The following WASL variants were observed in gnomAD, a reference collection of about 807,000 sequenced individuals.
The protein encoded by WASL is WASP like actin nucleation promoting factor.
In WASL, 20 loss-of-function variants were observed where a neutral mutation model predicts 55.5. The ratio of observed to expected loss-of-function variants is 0.36; its 90% CI spans 0.25 to 0.52. The LOEUF is 0.52. Ranked by LOEUF, WASL falls within the 20% of genes least tolerant of loss-of-function variation. The probability of loss-of-function intolerance (pLI) is 0.92; values close to 1 mark genes in which losing one functional copy is unlikely to be tolerated. For missense variants in WASL, 504 were observed against 622.5 expected (o/e 0.81, Z 2.03); for synonymous variants, 249 against 217.6 (o/e 1.14, Z -1.27).
At chr7:123,744,933 T>C (rs564478901) in intron 1 of WASL, among the ~76,000 whole-genome samples, 1 of 152,350 alleles carries the variant, frequency 6.6e-6, no homozygotes. Context: ...TGTATTTATG[T>C]ATTACAATGA....
intron 1 of WASL, among the ~76,000 whole-genome samples, chr7:123,727,907 C>T (rs1451445887): frequency 2.0e-5 from 3 of 152,144 alleles, no homozygotes; most frequent in Admixed American, 6.5e-5. Flanking sequence ...TTATGTTTGA[C>T]GCACTTCATT....
chr7:123,716,647 T>G (rs1803847084), intron 1 of WASL, among the ~76,000 whole-genome samples: 2 of 145,400 alleles, frequency 1.4e-5, no homozygotes, highest in East Asian at 2.1e-4. Context: ...GAGAGAGAGG[T>G]AAAGAGAGAG....
chr7:123,734,137 G>C (rs935798207), intron 1 of WASL, among the ~76,000 whole-genome samples: 1 of 152,010 alleles, frequency 6.6e-6, no homozygotes, highest in African/African-American at 2.4e-5. Context: ...TGAACTGGAT[G>C]GACTTCATTA....
At chr7:123,704,791 G>A (rs576153443) in intron 4 of WASL, 134 bp from the exon 5 acceptor site, 46 of 494,726 alleles carry the variant, frequency 9.3e-5, no homozygotes, top group African/African-American at 8.1e-4. Context: ...CAGAAGACCC[G>A]ACATTTAAGT....
rs566358903 is a variant in WASL, at chr7:123,723,087, T to C, written c.118-13864A>G. ...TAAAATGGGACTAACTTTATTTAGT[T>C]AATACATGTAAAGTTCCTTATTATA... On this transcript the variant is annotated intron_variant, in intron 1 of 10. Transcript: ENST00000223023. 2.6e-5 allele frequency among the ~76,000 whole-genome samples: 4 copies of C among 152,376 alleles called. No homozygotes were observed. The East Asian group carries it at 7.7e-4, about 29-fold the overall frequency.
intron 1 of WASL, among the ~76,000 whole-genome samples, chr7:123,740,433 T>C (rs1804319662): frequency 6.6e-6 from 1 of 150,610 alleles, no homozygotes; most frequent in Non-Finnish European, 1.5e-5. Context: ...CTGAGACTAC[T>C]AACATAGATG....
intron 10 of WASL, among the ~76,000 whole-genome samples, chr7:123,685,801 A>G (rs1803277304): frequency 6.7e-6 from 1 of 149,244 alleles, no homozygotes. Flanking sequence ...CTCTTCATAT[A>G]TCTATATATA....
intron 5 of WASL, among the ~76,000 whole-genome samples, chr7:123,704,058 T>A (rs1286780702): frequency 6.6e-6 from 1 of 152,168 alleles, no homozygotes; most frequent in African/African-American, 2.4e-5. Context: ...TGGTATTCAA[T>A]GTTTTTTAAA....
At chr7:123,716,517 G>A (rs1803844560) in intron 1 of WASL, among the ~76,000 whole-genome samples, 1 of 151,914 alleles carries the variant, frequency 6.6e-6, no homozygotes, top group Non-Finnish European at 1.5e-5. Flanking sequence ...CAAAGTGCTG[G>A]GATTACAGGC....
intron 10 of WASL, among the ~76,000 whole-genome samples, chr7:123,687,293 A>G (rs985969849): frequency 3.3e-5 from 5 of 152,080 alleles, no homozygotes; most frequent in African/African-American, 1.2e-4. Flanking sequence ...AAACCCTCCA[A>G]TGGCTTCCCA....
intron 1 of WASL, chr7:123,720,410 A>G (rs576201709): frequency 2.3e-6 from 1 of 431,286 alleles, no homozygotes; most frequent in Admixed American, 2.9e-5. Context: ...TGTTATCTGA[A>G]TAAAAGGCAA....
At chr7:123,719,446 T>C (rs559140689) in intron 1 of WASL, among the ~76,000 whole-genome samples, 1 of 152,250 alleles carries the variant, frequency 6.6e-6, no homozygotes, top group South Asian at 2.1e-4. Flanking sequence ...AGTCCTAATC[T>C]GGGAGGGAAG....
At chr7:123,709,369 G>T in intron 1 of WASL, 146 bp from the exon 2 acceptor site, 2 of 556,950 alleles carry the variant, frequency 3.6e-6, no homozygotes, top group Admixed American at 4.0e-5. Flanking sequence ...AACATGTATT[G>T]TTATTTTAAG....
At chr7:123,704,692 T>C in intron 4 of WASL, 35 bp from the exon 5 acceptor site, 1 of 1,339,736 alleles carries the variant, frequency 7.5e-7, no homozygotes, top group Non-Finnish European at 1.0e-6. Context: ...TATTATTAAA[T>C]ATATGTAAGA....
intron 1 of WASL, among the ~76,000 whole-genome samples, chr7:123,732,186 C>T (rs1344855424): frequency 1.3e-5 from 2 of 151,958 alleles, no homozygotes; most frequent in Non-Finnish European, 2.9e-5. Context: ...AAAAATTAGC[C>T]GGGTGTGGTG....
Position 123,689,031 on chromosome 7 carries a change from TC to T in WASL, c.1456+10del, listed in dbSNP as rs58309170. 2.5e-3 allele frequency: 4,017 copies of T among 1,601,068 alleles called. 60 individuals are homozygous for T. The African/African-American group carries it at 0.048, about 19-fold the overall frequency. ...GTCTCTCTCTCTCTCTCTCTCTCTC[TC>T]TCTCTCTACCTGAAGAATGAATGGC... is the stretch of plus-strand genomic sequence containing the variant. On this transcript the variant is annotated intron_variant, in intron 10 of 10. Coordinates refer to ENST00000223023, the MANE Select transcript of WASL (RefSeq NM_003941.4).
chr7:123,713,541 T>C (rs984866900), intron 1 of WASL, among the ~76,000 whole-genome samples: 3 of 152,216 alleles, frequency 2.0e-5, no homozygotes, highest in Non-Finnish European at 4.4e-5. Flanking sequence ...TCTATGATCA[T>C]GTTGGCCTAG....
intron 10 of WASL, among the ~76,000 whole-genome samples, chr7:123,688,793 G>C (rs1803344012): frequency 6.6e-6 from 1 of 152,144 alleles, no homozygotes; most frequent in African/African-American, 2.4e-5. Flanking sequence ...TATTCCCAAA[G>C]CTGTTCTTTC....
intron 1 of WASL, among the ~76,000 whole-genome samples, chr7:123,715,123 C>G (rs1405835520): frequency 6.6e-6 from 1 of 152,188 alleles, no homozygotes; most frequent in African/African-American, 2.4e-5. Flanking sequence ...AGATTTGGTA[C>G]AGTAGCACAT....
Sources: gnomAD v4.1 joint callset for allele counts (sites outside exome capture counted in the v4.1 genomes callset) on GRCh38, gnomAD v4.1.1 for gene constraint, MANE v1.5 for transcripts, NCBI Gene and HGNC (gene_info 2026-07-23, HGNC 2026-07-21) for gene names.